Variants in GLYR1 observed in about 807,000 individuals in gnomAD.
The protein encoded by GLYR1 is glyoxylate reductase 1 homolog.
A neutral mutation model predicts 72.7 loss-of-function variants in GLYR1; 21 were observed. The observed-to-expected ratio is 0.29, with a 90% CI of 0.20 to 0.42. GLYR1 has a LOEUF of 0.42. Among genes scored for constraint, GLYR1 ranks in the 10% least tolerant of loss-of-function variants. GLYR1 has a pLI of 1.00. For synonymous variants in GLYR1, 392 were observed against 270.2 expected (o/e 1.45, Z -4.42); for missense variants, 594 against 712.1 (o/e 0.83, Z 1.89).
At chr16:4,827,928 C>A (rs1015168022) in intron 5 of GLYR1, among the ~76,000 whole-genome samples, 5 of 151,840 alleles carry the variant, frequency 3.3e-5, no homozygotes, top group Non-Finnish European at 7.4e-5. Context: ...AACCAAAAAA[C>A]CAAAAAACGA....
In GLYR1 at chr16:4,846,042, A is replaced by G. The variant is rs573611058; in HGVS notation, c.75+132T>C. 729 of 910,466 alleles carry G rather than the reference A, an allele frequency of 8.0e-4. 1 individual carries two copies. The African/African-American group carries it at 8.9e-3, about 11-fold the overall frequency. 56.4% of individuals were successfully genotyped at this position (910,466 alleles called of 1,614,324 possible). On this transcript the variant is annotated intron_variant, in intron 2 of 15. Transcript: ENST00000321919. Reference sequence around the variant, plus strand: ...TTTAAAAAATAACCGATACTAGGGGAAAAAAAATTCTAAGTGCCATCTGAA... The same window carrying G: ...TTTAAAAAATAACCGATACTAGGGGGAAAAAAATTCTAAGTGCCATCTGAA...
chr16:4,847,244 G>T lies in GLYR1; in HGVS notation c.22C>A (p.Leu8Ile). Residue 8 changes from leucine to isoleucine, a missense_variant, in exon 1 of 16, where the codon CTC becomes ATC. By Grantham distance (5) the Leu-to-Ile change is conservative. Coordinates refer to ENST00000321919, the MANE Select transcript of GLYR1 (RefSeq NM_032569.4). Reference sequence around the variant, plus strand: ...CGGACTCACCACACCAAGTCGCCGAGCCGCAGACTCACAGCCGCCATCTTA... The same window carrying T: ...CGGACTCACCACACCAAGTCGCCGATCCGCAGACTCACAGCCGCCATCTTA... MAAVSLR[L>I]GDLVWGKLGR... 1 of 1,609,640 alleles carries T rather than the reference G, an allele frequency of 6.2e-7. No homozygotes were observed.
chr16:4,832,756 G>A lies in GLYR1; in HGVS notation c.294+18C>T. 1 of 1,595,962 alleles carries A rather than the reference G, an allele frequency of 6.3e-7. No individual in the cohort carries two copies. The highest frequency in any genetic ancestry group is 1.1e-5 in the South Asian group (1 of 87,926). ...CACCAGTCTGGCATTGGTAGAAAGT[G>A]AACATTGTGTCTCTCACCTGGTCTT... On this transcript the variant is annotated intron_variant, in intron 4 of 15. Coordinates refer to ENST00000321919, the MANE Select transcript of GLYR1 (RefSeq NM_032569.4).
chr16:4,838,396 C>T (rs2085303734), intron 3 of GLYR1, among the ~76,000 whole-genome samples: 1 of 152,130 alleles, frequency 6.6e-6, no homozygotes, highest in East Asian at 1.9e-4. Context: ...TGACCCTGTG[C>T]ACTTCCTGAA....
intron 15 of GLYR1, among the ~76,000 whole-genome samples, chr16:4,805,770 G>A (rs1026656258): frequency 7.2e-5 from 11 of 151,960 alleles, no homozygotes; most frequent in South Asian, 2.1e-4. Flanking sequence ...GAGGTCAGGA[G>A]ATCAAGACCA....
At chr16:4,812,775 G>C (rs1437798742) in intron 12 of GLYR1, among the ~76,000 whole-genome samples, 3 of 151,246 alleles carry the variant, frequency 2.0e-5, no homozygotes, top group East Asian at 3.9e-4. Context: ...ACAGGAGTGA[G>C]CCACCACGCC....
intron 9 of GLYR1, among the ~76,000 whole-genome samples, chr16:4,819,678 A>C (rs574994166): frequency 2.0e-5 from 3 of 152,258 alleles, no homozygotes; most frequent in African/African-American, 7.2e-5. Context: ...TGACCCTGTC[A>C]TTCTTTCCAT....
chr16:4,837,936 TAAATAAA>T (rs2085263920), intron 3 of GLYR1, among the ~76,000 whole-genome samples: 1 of 68,204 alleles, frequency 1.5e-5, no homozygotes, highest in South Asian at 3.6e-4. Context: ...TCTCAAAAAA[TAAATAAA>T]TAAATAAATA....
chr16:4,805,004 C>A lies in GLYR1; in HGVS notation c.*232G>T. The A allele has an allele frequency of 1.8e-6, 1 of 569,580 alleles. No individual in the cohort carries two copies. 35.3% of individuals were successfully genotyped at this position (569,580 alleles called of 1,614,324 possible). On this transcript the variant is annotated 3_prime_UTR_variant, in exon 16 of 16. Transcript: ENST00000321919. ...AGCCACCTCGTCCGGGGGGCCAGTG[C>A]CCAGCTCAAGAGCTTTCCCACACGC...
intron 3 of GLYR1, chr16:4,843,670 T>C: frequency 7.9e-7 from 1 of 1,271,928 alleles, no homozygotes; most frequent in South Asian, 1.3e-5. Flanking sequence ...ATACTGTTTA[T>C]AATATATCGC....
Position 4,804,852 on chromosome 16 carries a change from A to T in GLYR1, c.*384T>A. On this transcript the variant is annotated 3_prime_UTR_variant, in exon 16 of 16. Coordinates refer to ENST00000321919, the MANE Select transcript of GLYR1 (RefSeq NM_032569.4). ...TTGCTGATTCTAGTTCCTTGACTGG[A>T]AGGGGTTTGAGATAAGACAAGCTCG... 1 of 236,626 alleles carries T rather than the reference A, an allele frequency of 4.2e-6. No homozygotes were observed. Among genetic ancestry groups the T allele is most frequent in the South Asian group, 7.5e-5 (1 of 13,390 alleles). The allele number at this position is 236,626 out of a possible 1,614,324, so 14.7% of individuals were successfully genotyped here. A position where few individuals can be genotyped will look rare whatever the true frequency, so the allele number is the denominator to read the frequency against.
At chr16:4,814,471 G>T in intron 11 of GLYR1, 66 bp downstream of exon 11, 1 of 1,216,660 alleles carries the variant, frequency 8.2e-7, no homozygotes, top group Non-Finnish European at 1.2e-6. Context: ...GGGGAGGAGG[G>T]GAAGAGGCCA....
intron 1 of GLYR1, 56 bp from the exon 2 acceptor site, chr16:4,846,266 C>G (rs967967562): frequency 5.1e-6 from 8 of 1,561,108 alleles, no homozygotes; most frequent in Non-Finnish European, 7.1e-6. Flanking sequence ...CCATCTCCTT[C>G]AACCCACTCA....
intron 3 of GLYR1, chr16:4,843,466 T>G: frequency 8.0e-7 from 1 of 1,244,494 alleles, no homozygotes; most frequent in Middle Eastern, 2.3e-4. Flanking sequence ...AATCTTCTTT[T>G]TAAATCCATG....
intron 15 of GLYR1, among the ~76,000 whole-genome samples, chr16:4,807,660 T>C (rs1394413703): frequency 6.6e-6 from 1 of 152,170 alleles, no homozygotes; most frequent in Non-Finnish European, 1.5e-5. Context: ...CTAAAAACTC[T>C]GCTTCCAAGC....
chr16:4,807,536 G>C (rs74003504), intron 15 of GLYR1, among the ~76,000 whole-genome samples: 544 of 152,278 alleles, frequency 3.6e-3, no homozygotes, highest in African/African-American at 0.012. Context: ...AACTACTAAA[G>C]GTCAATGCAC....
At chr16:4,822,391 G>C (rs908477403) in intron 7 of GLYR1, among the ~76,000 whole-genome samples, 1 of 150,658 alleles carries the variant, frequency 6.6e-6, no homozygotes, top group Non-Finnish European at 1.5e-5. Flanking sequence ...CCGGCCTTTG[G>C]GTTTATTTAT....
Position 4,838,383 on chromosome 16 carries a change from A to T in GLYR1, c.156-5471T>A, listed in dbSNP as rs898591851. 2.6e-5 allele frequency among the ~76,000 whole-genome samples: 4 copies of T among 152,150 alleles called. No individual in the cohort carries two copies. In the South Asian group the frequency reaches 8.3e-4, roughly 32 times the overall value. ...ATCTGTGAAAAAATAAGAACCAGAAAGATGACCCTGTGCACTTCCTGAAAG... is the reference window on the plus strand; with the variant it reads ...ATCTGTGAAAAAATAAGAACCAGAATGATGACCCTGTGCACTTCCTGAAAG... On this transcript the variant is annotated intron_variant, in intron 3 of 15. Coordinates refer to ENST00000321919, the MANE Select transcript of GLYR1 (RefSeq NM_032569.4).
chr16:4,831,423 C>T (rs1284136049), intron 5 of GLYR1, among the ~76,000 whole-genome samples: 1 of 152,190 alleles, frequency 6.6e-6, no homozygotes, highest in Admixed American at 6.5e-5. Flanking sequence ...CCTCCACGAT[C>T]CAGGGACAAG....
Sources: allele counts gnomAD v4.1 joint callset (sites outside exome capture counted in the v4.1 genomes callset), GRCh38; gene constraint gnomAD v4.1.1; transcripts MANE v1.5; gene names NCBI Gene and HGNC (gene_info 2026-07-23, HGNC 2026-07-21).